PRKG1: variants seen among roughly 807,000 people sequenced by gnomAD.
The protein encoded by PRKG1 is cGMP-dependent protein kinase 1.
Under a neutral mutation model 88.1 loss-of-function variants are expected in PRKG1, and 35 were observed. That is an observed-to-expected ratio of 0.40 (90% CI 0.30 to 0.53). The LOEUF is 0.53. Ranked by LOEUF, PRKG1 falls within the 20% of genes least tolerant of loss-of-function variation. PRKG1 has a pLI of 0.59. For synonymous variants in PRKG1, 303 were observed against 292.5 expected, an observed-to-expected ratio of 1.04 and a Z score of -0.37; for missense variants, 540 against 839.8, an observed-to-expected ratio of 0.64 and a Z score of 4.41.
intron 5 of PRKG1, among the ~76,000 whole-genome samples, chr10:52,018,459 A>T (rs1023704588): frequency 2.0e-5 from 3 of 152,200 alleles, no homozygotes; most frequent in African/African-American, 7.2e-5. Flanking sequence ...TAGATGTTGT[A>T]GATTATATTT....
intron 2 of PRKG1, among the ~76,000 whole-genome samples, chr10:51,367,778 GT>G (rs1374483408): frequency 6.6e-6 from 1 of 151,936 alleles, no homozygotes; most frequent in African/African-American, 2.4e-5. Flanking sequence ...CTAACACAGT[GT>G]TTTTTGGTCC....
intron 3 of PRKG1, among the ~76,000 whole-genome samples, chr10:51,693,601 C>T (rs1219711627): frequency 6.6e-6 from 1 of 151,892 alleles, no homozygotes; most frequent in Non-Finnish European, 1.5e-5. Context: ...GGGGTTTCAC[C>T]ACATTGGCCA....
intron 2 of PRKG1, among the ~76,000 whole-genome samples, chr10:51,224,548 A>C (rs527843846): frequency 6.2e-4 from 95 of 152,266 alleles, no homozygotes; most frequent in Non-Finnish European, 6.2e-4. Context: ...TGTAACTGAG[A>C]AAGTTATCAC....
chr10:51,230,539 A>T (rs1476321343), intron 2 of PRKG1, among the ~76,000 whole-genome samples: 1 of 152,228 alleles, frequency 6.6e-6, no homozygotes, highest in Non-Finnish European at 1.5e-5. Context: ...TGTCTGGTCC[A>T]TACTAAAGAG....
intron 2 of PRKG1, among the ~76,000 whole-genome samples, chr10:51,406,900 C>T (rs1022268892): frequency 6.6e-6 from 1 of 152,112 alleles, no homozygotes; most frequent in Non-Finnish European, 1.5e-5. Context: ...CACAATCAGC[C>T]GTCTGCAAGC....
chr10:52,094,417 G>GCT (rs199541531), intron 7 of PRKG1, among the ~76,000 whole-genome samples: 59 of 150,484 alleles, frequency 3.9e-4, no homozygotes, highest in African/African-American at 1.3e-3. Context: ...ATCACTTGAT[G>GCT]CTCTCTCTCT....
chr10:51,660,325 T>G (rs1840268138), intron 3 of PRKG1, among the ~76,000 whole-genome samples: 1 of 151,964 alleles, frequency 6.6e-6, no homozygotes, highest in Non-Finnish European at 1.5e-5. Flanking sequence ...ATCATCTTTT[T>G]TAGCCCATTG....
At chr10:51,702,556 T>G (rs1006071163) in intron 3 of PRKG1, among the ~76,000 whole-genome samples, 2 of 152,198 alleles carry the variant, frequency 1.3e-5, no homozygotes, top group Non-Finnish European at 2.9e-5. Context: ...TGGTATAGTG[T>G]ATGTCCAGAC....
intron 9 of PRKG1, among the ~76,000 whole-genome samples, chr10:52,178,436 G>A (rs1443783167): frequency 6.6e-6 from 1 of 152,202 alleles, no homozygotes; most frequent in African/African-American, 2.4e-5. Context: ...CCTGGGGAAT[G>A]TTCCATATAC....
At chr10:52,189,299 A>G (rs1452952404) in intron 9 of PRKG1, among the ~76,000 whole-genome samples, 1 of 152,088 alleles carries the variant, frequency 6.6e-6, no homozygotes, top group Non-Finnish European at 1.5e-5. Flanking sequence ...ATCCTTCCCC[A>G]CTTCTCCTGC....
chr10:51,837,374 AT>A (rs544740648), intron 4 of PRKG1, among the ~76,000 whole-genome samples: 1 of 152,194 alleles, frequency 6.6e-6, no homozygotes, highest in Non-Finnish European at 1.5e-5. Flanking sequence ...AGTTTGGAAT[AT>A]GAGCAGAATT....
chr10:51,215,421 A>G (rs1564641600), intron 2 of PRKG1, among the ~76,000 whole-genome samples: 1 of 152,166 alleles, frequency 6.6e-6, no homozygotes, highest in East Asian at 1.9e-4. Context: ...GTCTCCATGG[A>G]GGTCATATAC....
intron 1 of PRKG1, among the ~76,000 whole-genome samples, chr10:51,058,768 T>G (rs1742869389): frequency 6.6e-6 from 1 of 152,198 alleles, no homozygotes; most frequent in African/African-American, 2.4e-5. Flanking sequence ...TTCCCCTGTT[T>G]TCTTTTAGAA....
At chr10:51,177,424 A>G (rs1809294247) in intron 2 of PRKG1, among the ~76,000 whole-genome samples, 1 of 152,140 alleles carries the variant, frequency 6.6e-6, no homozygotes, top group Admixed American at 6.6e-5. Flanking sequence ...CTGTTAACAA[A>G]CTTTGCTTAT....
intron 4 of PRKG1, among the ~76,000 whole-genome samples, chr10:51,899,940 C>T (rs559122604): frequency 6.6e-6 from 1 of 151,828 alleles, no homozygotes; most frequent in Non-Finnish European, 1.5e-5. Flanking sequence ...TTTAAAAGAG[C>T]CTGGCACCTC....
chr10:51,303,650 C>G (rs886276627), intron 2 of PRKG1, among the ~76,000 whole-genome samples: 2 of 151,904 alleles, frequency 1.3e-5, no homozygotes, highest in Non-Finnish European at 2.9e-5. Flanking sequence ...TACATTCTTA[C>G]TTTTTGGAGA....
intron 5 of PRKG1, among the ~76,000 whole-genome samples, chr10:51,926,779 T>A (rs534097582): frequency 8.0e-4 from 118 of 147,518 alleles, no homozygotes; most frequent in Non-Finnish European, 1.5e-3. Context: ...CTGAATAACA[T>A]CTCCTGAGTA....
At chr10:51,717,432 T>C (rs1841912505) in intron 3 of PRKG1, among the ~76,000 whole-genome samples, 1 of 152,196 alleles carries the variant, frequency 6.6e-6, no homozygotes, top group African/African-American at 2.4e-5. Context: ...CTAGTCACTG[T>C]GCTGATTTAA....
chr10:51,257,844 A>G (rs78662305), intron 2 of PRKG1, among the ~76,000 whole-genome samples: 3,122 of 152,302 alleles, frequency 0.02, 97 homozygotes, highest in African/African-American at 0.071. Context: ...GCTCACCAGC[A>G]TACACTTAAA....
Sources: allele counts gnomAD v4.1 joint callset (sites outside exome capture counted in the v4.1 genomes callset), GRCh38; gene constraint gnomAD v4.1.1; transcripts MANE v1.5; gene names NCBI Gene and HGNC (gene_info 2026-07-23, HGNC 2026-07-21).